The following CCT6B variants were observed in gnomAD, a reference collection of about 807,000 sequenced individuals.
CCT6B encodes chaperonin containing TCP1 subunit 6B.
Under a neutral mutation model 61.5 loss-of-function variants are expected in CCT6B, and 49 were observed. The ratio of observed to expected loss-of-function variants is 0.80; its 90% CI spans 0.63 to 1.01. The LOEUF (loss-of-function observed/expected upper bound fraction) is 1.01. CCT6B is among the 50% of genes least tolerant of loss of function. The pLI is 0.00. For missense variants in CCT6B, 666 were observed against 634.7 expected (o/e 1.05, Z -0.53); for synonymous variants, 228 against 214.5 (o/e 1.06, Z -0.55).
chr17:34,928,849 T>A, intron 13 of CCT6B, 113 bp downstream of exon 13: 2 of 593,216 alleles, frequency 3.4e-6, no homozygotes, highest in African/African-American at 1.9e-5. Flanking sequence ...ACACCTTTCA[T>A]ACACTTGACA....
At chr17:34,959,200 T>C (rs1463657329) in intron 2 of CCT6B, among the ~76,000 whole-genome samples, 1 of 144,750 alleles carries the variant, frequency 6.9e-6, no homozygotes, top group African/African-American at 2.5e-5. Flanking sequence ...TCTCATTCAC[T>C]GCAGCCTTGG....
intron 6 of CCT6B, 72 bp downstream of exon 6, chr17:34,942,724 G>T (rs1374497812): frequency 6.8e-7 from 1 of 1,479,570 alleles, no homozygotes; most frequent in African/African-American, 1.4e-5. Flanking sequence ...CAAACATCTG[G>T]AAGGAAAAAG....
intron 5 of CCT6B, among the ~76,000 whole-genome samples, chr17:34,950,145 T>A: frequency 1.3e-5 from 2 of 152,244 alleles, no homozygotes; most frequent in East Asian, 3.9e-4. Flanking sequence ...CTAGTTGAAA[T>A]TAGAAAATAT....
At chr17:34,940,335 A>C (rs1349194395) in intron 8 of CCT6B, among the ~76,000 whole-genome samples, 9 of 152,166 alleles carry the variant, frequency 5.9e-5, no homozygotes, top group Admixed American at 5.9e-4. Context: ...AACTTTCCTT[A>C]TACTTCAACA....
chr17:34,950,868 G>A (rs1267443000), intron 5 of CCT6B, among the ~76,000 whole-genome samples: 1 of 151,648 alleles, frequency 6.6e-6, no homozygotes, highest in African/African-American at 2.4e-5. Context: ...GGCGGAGGTT[G>A]CAGTGAGCCA....
chr17:34,954,214 A>T (rs2090323824), intron 4 of CCT6B, among the ~76,000 whole-genome samples: 1 of 152,092 alleles, frequency 6.6e-6, no homozygotes, highest in African/African-American at 2.4e-5. Context: ...AGTCACGTTT[A>T]AAAAAAGGCC....
At chr17:34,928,192 A>G in intron 13 of CCT6B, 75 bp from the exon 14 acceptor site, 1 of 849,980 alleles carries the variant, frequency 1.2e-6, no homozygotes, top group Admixed American at 2.2e-5. Context: ...ATCTTTACCT[A>G]TGTAGGGTAC....
chr17:34,948,881 A>G (rs560143816), intron 5 of CCT6B, among the ~76,000 whole-genome samples: 2 of 151,916 alleles, frequency 1.3e-5, no homozygotes, highest in South Asian at 4.2e-4. Flanking sequence ...AAAAAAATAT[A>G]AAAATTAGCC....
At chr17:34,955,503 G>C (rs746178725) in intron 3 of CCT6B, among the ~76,000 whole-genome samples, 4 of 152,188 alleles carry the variant, frequency 2.6e-5, no homozygotes, top group African/African-American at 4.8e-5. Flanking sequence ...AGCAGGCAAT[G>C]AGAGAAATGA....
At chr17:34,949,882 C>T (rs954978861) in intron 5 of CCT6B, among the ~76,000 whole-genome samples, 15 of 152,228 alleles carry the variant, frequency 9.9e-5, no homozygotes, top group African/African-American at 3.1e-4. Flanking sequence ...TTCTGAACAA[C>T]AGGATTAACA....
At chr17:34,931,530 T>A (rs955837550) in intron 11 of CCT6B, among the ~76,000 whole-genome samples, 1 of 152,096 alleles carries the variant, frequency 6.6e-6, no homozygotes, top group East Asian at 1.9e-4. Context: ...TGGAGATACC[T>A]GCACTCCAAA....
Position 34,929,049 on chromosome 17 carries a change from C to G in CCT6B, c.1451-15G>C. The G allele has an allele frequency of 6.6e-7, 1 of 1,519,774 alleles. No individual in the cohort carries two copies. Among genetic ancestry groups the G allele is most frequent in the South Asian group, 1.2e-5 (1 of 86,706 alleles). The allele number at this position is 1,519,774 out of a possible 1,614,324, so 94.1% of individuals were successfully genotyped here. ...CATTGGCTCACCTGAAAAGTAAAAA[C>G]AATTTTCATACCAAAATCTTAGTAT... On this transcript the variant is annotated splice_polypyrimidine_tract_variant and intron_variant, in intron 12 of 13. Transcript: ENST00000314144.
Position 34,939,242 on chromosome 17 carries a change from G to GT in CCT6B, c.1153dup (p.Thr385AsnfsTer19), listed in dbSNP as rs1483061862. ...ATCTCTTATGGCATCCTTGACTTGT[G>GT]TGAGAGTATGCTTATTTGGTCCTTT... On this transcript the variant is annotated frameshift_variant, in exon 10 of 14. Transcript: ENST00000314144. LOFTEE classifies it high-confidence loss of function. 6.2e-7 allele frequency: 1 copy of GT among 1,613,748 alleles called. No homozygotes were observed.
Position 34,954,522 on chromosome 17 carries a change from T to C in CCT6B, c.414A>G (p.Lys138=). ...IKALEVLEEV[K]VTKEMKRKIL... ...TTTTTCTTTTCATCTCCTTTGTCAC[T>C]TTAACTTCCTCCAAAACTTCAAGTG... The change falls in exon 4 of 14, where the codon AAA becomes AAG. Residue 138 remains lysine, a synonymous_variant. Coordinates refer to ENST00000314144, the MANE Select transcript of CCT6B (RefSeq NM_006584.4). 2 of 1,613,788 alleles carry C rather than the reference T, an allele frequency of 1.2e-6. No homozygotes were observed. Among genetic ancestry groups the C allele is most frequent in the Non-Finnish European group, 1.7e-6 (2 of 1,179,820 alleles).
intron 3 of CCT6B, among the ~76,000 whole-genome samples, chr17:34,956,016 G>T (rs1484258836): frequency 6.6e-6 from 1 of 152,030 alleles, no homozygotes; most frequent in Non-Finnish European, 1.5e-5. Flanking sequence ...GAAAACCTCT[G>T]GTCTAGACTC....
intron 5 of CCT6B, among the ~76,000 whole-genome samples, chr17:34,948,484 G>A (rs929561749): frequency 2.0e-5 from 3 of 151,478 alleles, no homozygotes; most frequent in African/African-American, 4.9e-5. Context: ...GGAGGCCGAG[G>A]AGGGTGGATC....
intron 12 of CCT6B, among the ~76,000 whole-genome samples, chr17:34,930,236 C>T (rs2090020932): frequency 6.6e-6 from 1 of 152,196 alleles, no homozygotes; most frequent in South Asian, 2.1e-4. Flanking sequence ...CGTGCCACTG[C>T]ACTCCACAGC....
At chr17:34,929,138 C>A in intron 12 of CCT6B, 104 bp from the exon 13 acceptor site, 2 of 700,254 alleles carry the variant, frequency 2.9e-6, no homozygotes, top group South Asian at 3.7e-5. Context: ...CTACTTTTGT[C>A]AAGGTCATCA....
chr17:34,958,337 G>C (rs555100614), intron 3 of CCT6B, among the ~76,000 whole-genome samples: 4 of 152,122 alleles, frequency 2.6e-5, no homozygotes, highest in Admixed American at 2.0e-4. Context: ...CCAGCTACTC[G>C]GGAAGCTGAA....
Sources: allele counts gnomAD v4.1 joint callset (sites outside exome capture counted in the v4.1 genomes callset), GRCh38; gene constraint gnomAD v4.1.1; transcripts MANE v1.5; gene names NCBI Gene and HGNC (gene_info 2026-07-23, HGNC 2026-07-21).